Variants in ZSWIM8 observed in about 807,000 individuals in gnomAD.
ZSWIM8 encodes zinc finger SWIM-type containing 8, also known as zinc finger SWIM domain-containing protein 8.
Under a neutral mutation model 173.7 loss-of-function variants are expected in ZSWIM8, and 27 were observed. That is an observed-to-expected ratio of 0.16 (90% confidence interval 0.11 to 0.21). The LOEUF is 0.21. Ranked by LOEUF, ZSWIM8 falls within the 10% of genes least tolerant of loss-of-function variation. The pLI is 1.00. For synonymous variants in ZSWIM8, 958 were observed against 962.0 expected (o/e 1.00, Z 0.08); for missense variants, 1,627 against 2,428.8 (o/e 0.67, Z 6.94).
chr10:73,794,241 A>G lies in ZSWIM8; in HGVS notation c.2720A>G (p.Glu907Gly). ...SEMSTMRCRA[E>G]ELREGTLCDY... ...ATGAGTACCATGCGGTGCCGGGCAGAGGAACTTCGGGAGGGGACACTCTGT... is the reference window on the plus strand; with the variant it reads ...ATGAGTACCATGCGGTGCCGGGCAGGGGAACTTCGGGAGGGGACACTCTGT... The change falls in exon 13 of 26, where the codon GAG becomes GGG. Residue 907 changes from glutamate to glycine, a missense_variant. Physicochemically the swap from Glu to Gly is moderately conservative, Grantham distance 98. Around this residue, in one of 18 missense-constraint regions of ZSWIM8, gnomAD observed 169 missense variants for 235.3 expected, o/e 0.72. Transcript: ENST00000604729. 1 of 1,614,016 alleles carries G rather than the reference A, an allele frequency of 6.2e-7. No homozygotes were observed. Among genetic ancestry groups the G allele is most frequent in the Non-Finnish European group, 8.5e-7 (1 of 1,179,888 alleles).
At position 73,801,315 on chromosome 10, in the gene ZSWIM8, G is replaced by C; in HGVS notation, c.5302-1G>C. 6.2e-7 allele frequency: 1 copy of C among 1,613,710 alleles called. No individual in the cohort carries two copies. Among genetic ancestry groups the C allele is most frequent in the Non-Finnish European group, 8.5e-7 (1 of 1,179,696 alleles). ...CTCATCCTGCACACATCCTCCTCCAGTACATCCACCACCGCTTGATTCACC... is the reference window on the plus strand; with the variant it reads ...CTCATCCTGCACACATCCTCCTCCACTACATCCACCACCGCTTGATTCACC... On this transcript the variant is annotated splice_acceptor_variant, in intron 25 of 25. Transcript: ENST00000604729. LOFTEE classifies it high-confidence loss of function. The surrounding 1 kb of genome is among the most constrained non-coding windows in gnomAD (Gnocchi z 4.9).
chr10:73,787,629 A>C (rs1338795902), intron 1 of ZSWIM8, among the ~76,000 whole-genome samples: 1 of 152,090 alleles, frequency 6.6e-6, no homozygotes, highest in Non-Finnish European at 1.5e-5. Flanking sequence ...AGTCGGGTGG[A>C]TCACTTGTGG....
chr10:73,792,672 G>A lies in ZSWIM8; in HGVS notation c.2133G>A (p.Gly711=), dbSNP rs760348031. 2 of 1,614,018 alleles carry A rather than the reference G, an allele frequency of 1.2e-6. No individual in the cohort carries two copies. Among genetic ancestry groups the A allele is most frequent in the South Asian group, 2.2e-5 (2 of 91,076 alleles). The change falls in exon 10 of 26, where the codon GGG becomes GGA. Residue 711 remains glycine (G), a synonymous_variant. Transcript: ENST00000604729. This position sits in a 1 kb window ranked among gnomAD's most constrained non-coding sequence, Gnocchi z 4.3. ...DLPSTDESGN[G]LPKTKEAAPA... Reference sequence around the variant, plus strand: ...CTTCTACAGATGAGAGTGGCAATGGGCTTCCCAAAACCAAAGAGGCAGCCC... The same window carrying A: ...CTTCTACAGATGAGAGTGGCAATGGACTTCCCAAAACCAAAGAGGCAGCCC...
Position 73,789,288 on chromosome 10 carries a change from A to G in ZSWIM8, c.458-79A>G. 3 of 1,593,066 alleles carry G rather than the reference A, an allele frequency of 1.9e-6. No individual in the cohort carries two copies. The highest frequency in any genetic ancestry group is 2.6e-6 in the Non-Finnish European group (3 of 1,167,394). ...GCAAGAAGCTGGAGCATGTTGTCTG[A>G]ATAACTGCAGGGCCAGGGTCAAGGG... On this transcript the variant is annotated intron_variant, in intron 3 of 25. Transcript: ENST00000604729. The surrounding 1 kb of genome is among the most constrained non-coding windows in gnomAD (Gnocchi z 6.8).
chr10:73,794,228 C>T lies in ZSWIM8; in HGVS notation c.2707C>T (p.Arg903Trp). ...PLGPSEMSTM[R>W]CRAEELREGT... ...GGGTCCAAGTGAGATGAGTACCATG[C>T]GGTGCCGGGCAGAGGAACTTCGGGA... Residue 903 changes from arginine (R) to tryptophan (W), a missense_variant, in exon 13 of 26, where the codon CGG becomes TGG. Physicochemically the swap from Arg to Trp is moderately radical, Grantham distance 101 (BLOSUM62 -3). Coordinates refer to ENST00000604729, the MANE Select transcript of ZSWIM8 (RefSeq NM_001367799.1). 2.5e-6 allele frequency: 4 copies of T among 1,614,028 alleles called. No homozygotes were observed. Among genetic ancestry groups the T allele is most frequent in the Non-Finnish European group, 2.5e-6 (3 of 1,179,888 alleles).
In ZSWIM8 at chr10:73,797,358, G is replaced by T. The variant is rs372918087; in HGVS notation, c.3434-19G>T. Reference sequence around the variant, plus strand: ...TCTGGGACTCCTGACTTCTGAGACTGACTTCTCTTGGGGGTTAGGCATGGC... The same window carrying T: ...TCTGGGACTCCTGACTTCTGAGACTTACTTCTCTTGGGGGTTAGGCATGGC... On this transcript the variant is annotated intron_variant, in intron 17 of 25. Transcript: ENST00000604729. The surrounding 1 kb of genome is among the most constrained non-coding windows in gnomAD (Gnocchi z 5.6). 6.2e-7 allele frequency: 1 copy of T among 1,613,172 alleles called. No individual in the cohort carries two copies. The highest frequency in any genetic ancestry group is 1.1e-5 in the South Asian group (1 of 91,066).
In ZSWIM8 at chr10:73,800,787, G is replaced by GT; in HGVS notation, c.5122+28_5122+29insT. ...AACACCTCCCCTCCCTAGGACCATT[G>GT]CCCCCCCCCCACCTGCTCTCCCCAC... On this transcript the variant is annotated intron_variant, in intron 24 of 25. Transcript: ENST00000604729. The surrounding 1 kb of genome is among the most constrained non-coding windows in gnomAD (Gnocchi z 4.1). The GT allele has an allele frequency of 3.8e-6, 5 of 1,322,134 alleles. No homozygotes were observed. Among genetic ancestry groups the GT allele is most frequent in the Non-Finnish European group, 5.1e-6 (5 of 973,064 alleles). 81.9% of individuals were successfully genotyped at this position (1,322,134 alleles called of 1,614,324 possible).
At position 73,789,921 on chromosome 10, in the gene ZSWIM8, C is replaced by T. The variant is rs768627760; in HGVS notation, c.739-35C>T. On this transcript the variant is annotated intron_variant, in intron 5 of 25. Coordinates refer to ENST00000604729, the MANE Select transcript of ZSWIM8 (RefSeq NM_001367799.1). This position sits in a 1 kb window ranked among gnomAD's most constrained non-coding sequence, Gnocchi z 6.8. ...CAGGCCTCCATGGGTTCACCTAGGCCGTGTTCTGCCTGCCTCCGTCTCTTT... is the reference window on the plus strand; with the variant it reads ...CAGGCCTCCATGGGTTCACCTAGGCTGTGTTCTGCCTGCCTCCGTCTCTTT... 21 of 1,602,620 alleles carry T rather than the reference C, an allele frequency of 1.3e-5. No homozygotes were observed. Among genetic ancestry groups the T allele is most frequent in the South Asian group, 3.4e-5 (3 of 89,412 alleles).
chr10:73,787,672 T>C (rs1327413187), intron 1 of ZSWIM8, among the ~76,000 whole-genome samples: 1 of 151,938 alleles, frequency 6.6e-6, no homozygotes, highest in Non-Finnish European at 1.5e-5. Context: ...GCCAACATGG[T>C]GAAACCCCAT....
Position 73,791,156 on chromosome 10 carries a change from C to T in ZSWIM8, c.1123C>T (p.Gln375Ter). ...CCCCTTGTTGGAAATCCTCACTGAC[C>T]AGTGCCTCACCTATGAACAGGTAAT... Reference protein sequence around the residue: ...AAPLLEILTDQCLTYEQITGW... With the variant: ...AAPLLEILTD The change falls in exon 8 of 26, where the codon CAG becomes TAG. Residue 375 changes from glutamine (Q) to a stop codon, truncating the protein, a stop_gained. Coordinates refer to ENST00000604729, the MANE Select transcript of ZSWIM8 (RefSeq NM_001367799.1). LOFTEE classifies it high-confidence loss of function. This position sits in a 1 kb window ranked among gnomAD's most constrained non-coding sequence, Gnocchi z 6.0. The T allele has an allele frequency of 6.2e-7, 1 of 1,611,276 alleles. No homozygotes were observed.
At position 73,801,379 on chromosome 10, in the gene ZSWIM8, C is replaced by G; in HGVS notation, c.5365C>G (p.Arg1789Gly). 1 of 1,613,964 alleles carries G rather than the reference C, an allele frequency of 6.2e-7. No homozygotes were observed. Among genetic ancestry groups the G allele is most frequent in the African/African-American group, 1.3e-5 (1 of 75,046 alleles). ...CTACGACGACTTTGTGAATGCGATCCGGAGTGCCCGCAGCGCCTTCTGCCT... is the reference window on the plus strand; with the variant it reads ...CTACGACGACTTTGTGAATGCGATCGGGAGTGCCCGCAGCGCCTTCTGCCT... Reference protein sequence around the residue: ...ADYDDFVNAIRSARSAFCLTP... With the variant: ...ADYDDFVNAIGSARSAFCLTP... Residue 1789 changes from arginine to glycine, a missense_variant, in exon 26 of 26, where the codon CGG becomes GGG. Physicochemically the swap from Arg to Gly is moderately radical, Grantham distance 125. Around this residue, in one of 18 missense-constraint regions of ZSWIM8, gnomAD observed 122 missense variants for 196.1 expected, o/e 0.62. Transcript: ENST00000604729. This position sits in a 1 kb window ranked among gnomAD's most constrained non-coding sequence, Gnocchi z 4.9.
chr10:73,800,129 A>G lies in ZSWIM8; in HGVS notation c.4784A>G (p.Tyr1595Cys). Residue 1595 changes from tyrosine to cysteine, a missense_variant, in exon 22 of 26, where the codon TAC becomes TGC. Coordinates refer to ENST00000604729, the MANE Select transcript of ZSWIM8 (RefSeq NM_001367799.1). This position sits in a 1 kb window ranked among gnomAD's most constrained non-coding sequence, Gnocchi z 4.1. ...ATGGCACCCATCACAGTACATCCCT[A>G]CCACACAGAGCCAGGGCTTCCACTG... ...PSMAPITVHP[Y>C]HTEPGLPLPT... 1.2e-6 allele frequency: 2 copies of G among 1,613,568 alleles called. No homozygotes were observed. The highest frequency in any genetic ancestry group is 1.7e-6 in the Non-Finnish European group (2 of 1,179,772).
Position 73,794,638 on chromosome 10 carries a change from G to C in ZSWIM8, c.2907G>C (p.Leu969Phe). The change falls in exon 14 of 26, where the codon TTG becomes TTC. Residue 969 changes from leucine (L) to phenylalanine (F), a missense_variant and splice_region_variant. Coordinates refer to ENST00000604729, the MANE Select transcript of ZSWIM8 (RefSeq NM_001367799.1). ...ELGFEAAVAA[L>F]GMKTTVSEAE... ...GATTTGAAGCAGCAGTTGCTGCCTT[G>C]GGTGAGTCTTGAGCATATCAACGAG... 6.4e-7 allele frequency: 1 copy of C among 1,551,642 alleles called. No homozygotes were observed. Among genetic ancestry groups the C allele is most frequent in the Non-Finnish European group, 8.7e-7 (1 of 1,147,228 alleles).
Position 73,801,757 on chromosome 10 carries a change from TGGC to T in ZSWIM8, c.*239_*241del. The T allele has an allele frequency of 6.7e-7, 1 of 1,503,494 alleles. No individual in the cohort carries two copies. Among genetic ancestry groups the T allele is most frequent in the Non-Finnish European group, 8.8e-7 (1 of 1,130,104 alleles). 93.1% of individuals were successfully genotyped at this position (1,503,494 alleles called of 1,614,324 possible). On this transcript the variant is annotated 3_prime_UTR_variant, in exon 26 of 26. Coordinates refer to ENST00000604729, the MANE Select transcript of ZSWIM8 (RefSeq NM_001367799.1). This position sits in a 1 kb window ranked among gnomAD's most constrained non-coding sequence, Gnocchi z 4.9. ...CGTTGGGTGGCCTCTGGTATTTATT[TGGC>T]ATTTATAAATATATAAACTCCTTTT...
At chr10:73,795,513 T>G in intron 14 of ZSWIM8, 26 bp from the exon 15 acceptor site, 3 of 1,612,850 alleles carry the variant, frequency 1.9e-6, no homozygotes, top group Non-Finnish European at 2.5e-6. Flanking sequence ...CTACTCTCAA[T>G]CCCCATAAGG....
rs753034251 is a variant in ZSWIM8, at chr10:73,795,577, T to C, written c.2947T>C (p.Leu983=). 1.9e-6 allele frequency: 3 copies of C among 1,613,970 alleles called. No homozygotes were observed. The East Asian group carries it at 6.7e-5, about 36-fold the overall frequency. ...AGTGAGCGAGGCAGAACATCCCCTC[T>C]TATGTGAAGGCACACGTCGGGAGAA... ...TTVSEAEHPL[L]CEGTRREKGD... is the part of the protein sequence containing the mutation. The change falls in exon 15 of 26, where the codon TTA becomes CTA. Residue 983 remains leucine (L), a synonymous_variant. Transcript: ENST00000604729.
chr10:73,790,856 A>T, intron 7 of ZSWIM8, 119 bp from the exon 8 acceptor site: 1 of 1,018,760 alleles, frequency 9.8e-7, no homozygotes, highest in East Asian at 2.5e-5. Flanking sequence ...CTCAAAAAAA[A>T]AAATTTTGTT....
At chr10:73,796,052 T>A (rs1034798956) in intron 15 of ZSWIM8, among the ~76,000 whole-genome samples, 3 of 149,784 alleles carry the variant, frequency 2.0e-5, no homozygotes, top group African/African-American at 4.9e-5. Flanking sequence ...TCAGGGAGTT[T>A]CCAGTACAAT....
In ZSWIM8 at chr10:73,788,240, TAA is replaced by T. The variant is rs71482558; in HGVS notation, c.209-415_209-414del. On this transcript the variant is annotated intron_variant, in intron 1 of 25. Transcript: ENST00000604729. ...AGTCATCTAGAGTAAAAGGGATGGT[TAA>T]AAAAAAAAAAAAAAGGCAATCGGAG... Among the ~76,000 whole-genome samples, 278 of 135,150 alleles carry T rather than the reference TAA, an allele frequency of 2.1e-3. 2 individuals carry two copies. The highest frequency in any genetic ancestry group is 9.6e-4 in the Non-Finnish European group (60 of 62,322). 88.7% of individuals were successfully genotyped at this position (135,150 alleles called of 152,430 possible).
Sources: gnomAD v4.1 joint callset for allele counts (sites outside exome capture counted in the v4.1 genomes callset) on GRCh38, gnomAD v4.1.1 for gene constraint, gnomAD v4.1.1 regional missense constraint, Gnocchi (gnomAD v3.1) non-coding constraint, MANE v1.5 for transcripts, NCBI Gene and HGNC (gene_info 2026-07-23, HGNC 2026-07-21) for gene names.